Variants in ZNF385D observed in about 807,000 individuals in gnomAD.
ZNF385D encodes the protein zinc finger protein 659.
Under a neutral mutation model 35.8 loss-of-function variants are expected in ZNF385D, and 15 were observed. The observed-to-expected ratio is 0.42, with a 90% CI of 0.28 to 0.64. The LOEUF (loss-of-function observed/expected upper bound fraction) is 0.64, where lower values mean the gene tolerates loss of function less well. Among genes scored for constraint, ZNF385D ranks in the 30% least tolerant of loss-of-function variants. The probability of loss-of-function intolerance (pLI) is 0.23; values close to 1 mark genes in which losing one functional copy is unlikely to be tolerated. For synonymous variants in ZNF385D, 212 were observed against 186.8 expected (o/e 1.13, Z -1.10); for missense variants, 474 against 494.6 (o/e 0.96, Z 0.39).
At position 21,964,529 on chromosome 3, in the gene ZNF385D, G is replaced by A. The variant is rs142978029; in HGVS notation, c.325+204288C>T. 8.5e-3 allele frequency among the ~76,000 whole-genome samples: 1,018 copies of A among 119,548 alleles called. 13 individuals carry two copies. The highest frequency in any genetic ancestry group is 0.028 in the African/African-American group (874 of 31,406). 78.4% of individuals were successfully genotyped at this position (119,548 alleles called of 152,430 possible). On this transcript the variant is annotated intron_variant, in intron 3 of 5. Coordinates refer to the ZNF385D transcript ENST00000494108. ...TTCTGAGACGGAGTCTCACTCTGTC[G>A]CCCAGGCTGGTGTGCAGTGACACAA...
intron 2 of ZNF385D, among the ~76,000 whole-genome samples, chr3:22,248,191 T>C (rs1342151280): frequency 6.6e-6 from 1 of 152,146 alleles, no homozygotes; most frequent in Non-Finnish European, 1.5e-5. Context: ...TGTCAACCAT[T>C]CACTTTGCTA....
intron 3 of ZNF385D, among the ~76,000 whole-genome samples, chr3:22,071,206 A>G (rs1559346498): frequency 6.6e-6 from 1 of 152,200 alleles, no homozygotes; most frequent in Non-Finnish European, 1.5e-5. Flanking sequence ...AGCTAAATTC[A>G]TAATATTTGA....
intron 3 of ZNF385D, among the ~76,000 whole-genome samples, chr3:22,146,000 C>T (rs1169969509): frequency 6.6e-6 from 1 of 152,058 alleles, no homozygotes; most frequent in Admixed American, 6.6e-5. Context: ...TCTAGGTGGT[C>T]AGTGAAAGAT....
intron 3 of ZNF385D, among the ~76,000 whole-genome samples, chr3:22,119,996 T>C (rs1306008418): frequency 1.1e-4 from 1 of 8,906 alleles, no homozygotes. Context: ...TTCTTTTTTC[T>C]TTTTTTTTTT....
chr3:21,782,209 A>C (rs927612272), intron 3 of ZNF385D, among the ~76,000 whole-genome samples: 1 of 152,070 alleles, frequency 6.6e-6, no homozygotes, highest in Non-Finnish European at 1.5e-5. Flanking sequence ...GTCAGTATTC[A>C]GTTGCCCCAG....
intron 2 of ZNF385D, among the ~76,000 whole-genome samples, chr3:21,660,109 C>G (rs183846999): frequency 1.3e-5 from 2 of 151,896 alleles, no homozygotes; most frequent in Non-Finnish European, 2.9e-5. Context: ...CTCTCTCTCT[C>G]TGTCTCTCTC....
intron 2 of ZNF385D, among the ~76,000 whole-genome samples, chr3:22,201,705 C>A (rs1237954516): frequency 6.6e-6 from 1 of 151,912 alleles, no homozygotes; most frequent in Admixed American, 6.6e-5. Flanking sequence ...CAAATGACCA[C>A]ATATTTGTAA....
intron 2 of ZNF385D, among the ~76,000 whole-genome samples, chr3:21,574,538 A>G (rs955039519): frequency 6.6e-6 from 1 of 152,122 alleles, no homozygotes; most frequent in Non-Finnish European, 1.5e-5. Flanking sequence ...TAATAATGAA[A>G]TACTTTTAAA....
chr3:21,856,719 C>T (rs1404379683), intron 3 of ZNF385D, among the ~76,000 whole-genome samples: 2 of 152,044 alleles, frequency 1.3e-5, no homozygotes, highest in African/African-American at 4.8e-5. Flanking sequence ...GTATTTCTAA[C>T]TAGTTGACCT....
intron 3 of ZNF385D, among the ~76,000 whole-genome samples, chr3:21,962,339 C>G (rs575242128): frequency 6.6e-6 from 1 of 152,038 alleles, no homozygotes; most frequent in South Asian, 2.1e-4. Context: ...ATGGAAACAA[C>G]AGGGGATGGC....
At chr3:22,193,062 A>T (rs572232718) in intron 2 of ZNF385D, among the ~76,000 whole-genome samples, 1 of 152,348 alleles carries the variant, frequency 6.6e-6, no homozygotes, top group African/African-American at 2.4e-5. Flanking sequence ...ATAAGACAAG[A>T]GTAACCGTTT....
chr3:21,794,452 A>G (rs2072062430), intron 3 of ZNF385D, among the ~76,000 whole-genome samples: 1 of 152,160 alleles, frequency 6.6e-6, no homozygotes, highest in Non-Finnish European at 1.5e-5. Context: ...GGTTGCTACA[A>G]CAAAACACCA....
chr3:21,617,810 T>C (rs900365574), intron 2 of ZNF385D, among the ~76,000 whole-genome samples: 2 of 152,144 alleles, frequency 1.3e-5, no homozygotes, highest in Non-Finnish European at 2.9e-5. Flanking sequence ...GAAAGAACAC[T>C]GGGTGAGGAG....
At chr3:21,484,733 T>A (rs967253894) in intron 4 of ZNF385D, among the ~76,000 whole-genome samples, 7 of 152,042 alleles carry the variant, frequency 4.6e-5, no homozygotes, top group African/African-American at 9.7e-5. Flanking sequence ...GTGTGGTAGG[T>A]TTGAGATGCT....
At chr3:21,787,484 C>G (rs938982960) in intron 3 of ZNF385D, among the ~76,000 whole-genome samples, 2 of 151,252 alleles carry the variant, frequency 1.3e-5, no homozygotes, top group Non-Finnish European at 3.0e-5. Context: ...ATGCTAATAT[C>G]CAGCACACCA....
intron 3 of ZNF385D, among the ~76,000 whole-genome samples, chr3:21,887,115 G>A (rs1406613454): frequency 1.3e-5 from 2 of 152,132 alleles, no homozygotes; most frequent in Non-Finnish European, 2.9e-5. Flanking sequence ...CTTCTTGAAG[G>A]AGAATCACCT....
chr3:21,688,292 A>G (rs1421464355), intron 1 of ZNF385D, among the ~76,000 whole-genome samples: 1 of 152,162 alleles, frequency 6.6e-6, no homozygotes, highest in East Asian at 1.9e-4. Flanking sequence ...CAAGTACTCT[A>G]TTTTAGGGAT....
At chr3:21,996,314 T>C (rs187566783) in intron 3 of ZNF385D, among the ~76,000 whole-genome samples, 7 of 152,230 alleles carry the variant, frequency 4.6e-5, no homozygotes, top group Middle Eastern at 3.4e-3. Flanking sequence ...TCATTTACCT[T>C]TTCCCTGCAG....
At chr3:22,337,819 G>A (rs888099614) in intron 2 of ZNF385D, among the ~76,000 whole-genome samples, 1 of 152,234 alleles carries the variant, frequency 6.6e-6, no homozygotes, top group Admixed American at 6.5e-5. Flanking sequence ...CCTGTAAGGT[G>A]AGAGGACAGA....
Sources: allele counts gnomAD v4.1 joint callset (sites outside exome capture counted in the v4.1 genomes callset), GRCh38; gene constraint gnomAD v4.1.1; transcripts MANE v1.5; gene names NCBI Gene and HGNC (gene_info 2026-07-23, HGNC 2026-07-21).